Variants in PLCE1 observed in about 807,000 individuals in gnomAD.
PLCE1 encodes phospholipase C epsilon 1, also known as 1-phosphatidylinositol 4,5-bisphosphate phosphodiesterase epsilon-1.
A neutral mutation model predicts 242.8 loss-of-function variants in PLCE1; 119 were observed. The ratio of observed to expected loss-of-function variants is 0.49; its 90% confidence interval spans 0.42 to 0.57. The LOEUF (loss-of-function observed/expected upper bound fraction) is 0.57, where lower values mean the gene tolerates loss of function less well. Ranked by LOEUF, PLCE1 falls within the 20% of genes least tolerant of loss-of-function variation. The pLI is 0.00. For synonymous variants in PLCE1, 945 were observed against 1,017.4 expected (o/e 0.93, Z 1.35); for missense variants, 2,441 against 2,788.8 (o/e 0.88, Z 2.81).
At chr10:94,009,349 T>A (rs2061119796) in intron 1 of PLCE1, among the ~76,000 whole-genome samples, 1 of 152,110 alleles carries the variant, frequency 6.6e-6, no homozygotes, top group Non-Finnish European at 1.5e-5. Context: ...TCATGAGGGA[T>A]CCATCCCCAT....
At chr10:94,274,556 C>T (rs1258085968) in intron 19 of PLCE1, among the ~76,000 whole-genome samples, 1 of 139,672 alleles carries the variant, frequency 7.2e-6, no homozygotes, top group Non-Finnish European at 1.6e-5. Flanking sequence ...CAAAATCAGC[C>T]ACTTTCAGGG....
intron 4 of PLCE1, among the ~76,000 whole-genome samples, chr10:94,182,265 TTTTTA>T (rs1056162909): frequency 5.3e-5 from 8 of 151,858 alleles, no homozygotes; most frequent in Non-Finnish European, 1.0e-4. Context: ...CTTCATTTCT[TTTTTA>T]TTTTATTTTA....
intron 3 of PLCE1, among the ~76,000 whole-genome samples, chr10:94,132,673 G>C (rs575743046): frequency 1.3e-5 from 2 of 151,418 alleles, no homozygotes; most frequent in African/African-American, 4.8e-5. Flanking sequence ...TTTTGAGGCC[G>C]GGTGCGGTGG....
At chr10:94,165,572 A>G (rs1403873861) in intron 3 of PLCE1, among the ~76,000 whole-genome samples, 3 of 152,092 alleles carry the variant, frequency 2.0e-5, no homozygotes, top group Admixed American at 6.5e-5. Flanking sequence ...CTCTAATTTT[A>G]GCTTTAAGTA....
chr10:94,252,256 A>T, intron 8 of PLCE1, 60 bp from the exon 9 acceptor site: 1 of 1,478,036 alleles, frequency 6.8e-7, no homozygotes, highest in Non-Finnish European at 9.5e-7. Flanking sequence ...AGACATTAAT[A>T]TATTTACTTC....
chr10:94,268,405 CTCT>C (rs1319336787), intron 16 of PLCE1, among the ~76,000 whole-genome samples: 3 of 152,198 alleles, frequency 2.0e-5, no homozygotes, highest in Non-Finnish European at 2.9e-5. Context: ...TCTGCTTCCA[CTCT>C]TCTTACATGT....
intron 2 of PLCE1, among the ~76,000 whole-genome samples, chr10:94,044,114 T>A (rs1221883683): frequency 6.6e-6 from 1 of 152,212 alleles, no homozygotes; most frequent in Admixed American, 6.5e-5. Context: ...ACACATTAGA[T>A]GCCCTGAGAA....
At chr10:94,047,662 T>A (rs1195888947) in intron 2 of PLCE1, among the ~76,000 whole-genome samples, 1 of 152,190 alleles carries the variant, frequency 6.6e-6, no homozygotes, top group Non-Finnish European at 1.5e-5. Context: ...TTTTATTTGT[T>A]TTTTTGTTTA....
chr10:94,313,529 A>G, intron 28 of PLCE1, 147 bp downstream of exon 28: 4 of 930,506 alleles, frequency 4.3e-6, no homozygotes, highest in Non-Finnish European at 6.8e-6. Context: ...GATTATTTGG[A>G]AATGTGTTAT....
chr10:94,197,647 T>G (rs1247935682), intron 4 of PLCE1, among the ~76,000 whole-genome samples: 2 of 152,214 alleles, frequency 1.3e-5, no homozygotes, highest in African/African-American at 2.4e-5. Context: ...TTCAAATATT[T>G]TCTGGCAATA....
intron 2 of PLCE1, among the ~76,000 whole-genome samples, chr10:94,064,662 C>T (rs1030771984): frequency 1.3e-5 from 2 of 152,056 alleles, no homozygotes; most frequent in East Asian, 1.9e-4. Flanking sequence ...AGCTTTCATC[C>T]GAAAATGAGG....
At chr10:94,320,417 G>A (rs902601768) in intron 29 of PLCE1, among the ~76,000 whole-genome samples, 1 of 152,038 alleles carries the variant, frequency 6.6e-6, no homozygotes. Context: ...TAAATGATTG[G>A]GGCAAGCTTC....
At chr10:94,285,970 C>T (rs192537521) in intron 22 of PLCE1, among the ~76,000 whole-genome samples, 14 of 152,312 alleles carry the variant, frequency 9.2e-5, no homozygotes, top group Non-Finnish European at 1.8e-4. Flanking sequence ...ACCCGTTATA[C>T]TGCCTGGCCT....
rs2051196243 is a variant in PLCE1 at position 94,258,925 on chromosome 10, A to G, written c.3677+3A>G. On this transcript the variant is annotated splice_donor_region_variant and intron_variant, in intron 12 of 32. Transcript: ENST00000371380. ...GTTGAGCTGTTCAAATCATTCAGGTACAGTCTTATGTTTCCTTCTTATTCT... is the reference window on the plus strand; with the variant it reads ...GTTGAGCTGTTCAAATCATTCAGGTGCAGTCTTATGTTTCCTTCTTATTCT... 6.2e-7 allele frequency: 1 copy of G among 1,614,100 alleles called. No individual in the cohort carries two copies.
chr10:94,114,439 C>T (rs1356009060), intron 2 of PLCE1, among the ~76,000 whole-genome samples: 3 of 152,204 alleles, frequency 2.0e-5, no homozygotes, highest in Non-Finnish European at 4.4e-5. Context: ...ACTTCAGAGC[C>T]AGCAACTTTT....
At chr10:94,310,854 T>C (rs543496284) in intron 27 of PLCE1, among the ~76,000 whole-genome samples, 4 of 152,182 alleles carry the variant, frequency 2.6e-5, no homozygotes, top group Admixed American at 6.5e-5. Flanking sequence ...ATCCCACACA[T>C]TGAGGGCTCA....
intron 4 of PLCE1, among the ~76,000 whole-genome samples, chr10:94,213,306 G>A (rs565971973): frequency 6.6e-6 from 1 of 152,288 alleles, no homozygotes; most frequent in African/African-American, 2.4e-5. Flanking sequence ...TTTTCAAAAA[G>A]CAAGAAAGAT....
chr10:94,148,387 A>C (rs1433043974), intron 3 of PLCE1, among the ~76,000 whole-genome samples: 16 of 152,152 alleles, frequency 1.1e-4, no homozygotes, highest in Admixed American at 1.0e-3. Context: ...ATTGGGCCCT[A>C]GGTCAGGGCA....
At chr10:94,268,525 C>T (rs1443569405) in intron 16 of PLCE1, among the ~76,000 whole-genome samples, 2 of 152,192 alleles carry the variant, frequency 1.3e-5, no homozygotes, top group Non-Finnish European at 1.5e-5. Context: ...TCATTAAGGA[C>T]TCAGTGGCCT....
Sources: gnomAD v4.1 joint callset for allele counts (sites outside exome capture counted in the v4.1 genomes callset) on GRCh38, gnomAD v4.1.1 for gene constraint, MANE v1.5 for transcripts, NCBI Gene and HGNC (gene_info 2026-07-23, HGNC 2026-07-21) for gene names.